The following RPH3AL variants were observed in gnomAD, a reference collection of about 807,000 sequenced individuals.
RPH3AL encodes the protein rabphilin 3A like (without C2 domains).
In RPH3AL, 38 loss-of-function variants were observed where a neutral mutation model predicts 43.1. The observed-to-expected ratio is 0.88, with a 90% CI of 0.68 to 1.15. RPH3AL has a LOEUF of 1.15. RPH3AL is among the 50% of genes most tolerant of loss of function. RPH3AL has a pLI of 0.00. For missense variants in RPH3AL, 462 were observed against 423.2 expected, an observed-to-expected ratio of 1.09 and a Z score of -0.81; for synonymous variants, 189 against 176.3, an observed-to-expected ratio of 1.07 and a Z score of -0.57.
chr17:315,521 G>A, intron 5 of RPH3AL, among the ~76,000 whole-genome samples: 1 of 143,588 alleles, frequency 7.0e-6, no homozygotes, highest in African/African-American at 2.6e-5. Context: ...CCATTGACCT[G>A]TAGTCCCTGT....
intron 3 of RPH3AL, among the ~76,000 whole-genome samples, chr17:324,200 G>A (rs1329579741): frequency 1.3e-5 from 2 of 152,192 alleles, no homozygotes; most frequent in Admixed American, 6.5e-5. Context: ...TGCCGAGTTC[G>A]TATCCAGCAG....
In RPH3AL at chr17:296,780, G is replaced by C. The variant is rs150622981; in HGVS notation, c.352-14926C>G. 2.2e-4 allele frequency among the ~76,000 whole-genome samples: 33 copies of C among 152,358 alleles called. 1 individual carries two copies. Among genetic ancestry groups the C allele is most frequent in the African/African-American group, 7.0e-4 (29 of 41,580 alleles). ...AGTCACATATGAAAAAAAGGGTGTG[G>C]AAGGGTTCTACGTGTATCAAAAGGG... On this transcript the variant is annotated intron_variant, in intron 5 of 9. Transcript: ENST00000331302.
intron 6 of RPH3AL, among the ~76,000 whole-genome samples, chr17:258,107 A>C (rs923473108): frequency 6.6e-6 from 1 of 152,122 alleles, no homozygotes; most frequent in East Asian, 1.9e-4. Flanking sequence ...AGGCTGAGCA[A>C]TGTTCCCCTG....
intron 7 of RPH3AL, among the ~76,000 whole-genome samples, chr17:227,430 G>A (rs1416359517): frequency 2.0e-5 from 3 of 152,090 alleles, no homozygotes; most frequent in African/African-American, 7.2e-5. Flanking sequence ...ATGGTCCAGG[G>A]GACAGGCGTC....
chr17:237,357 T>C (rs772358091), intron 7 of RPH3AL, among the ~76,000 whole-genome samples: 1 of 152,194 alleles, frequency 6.6e-6, no homozygotes, highest in Admixed American at 6.5e-5. Flanking sequence ...TGTGTCACCC[T>C]GTTCTGGAAC....
At chr17:300,171 A>G (rs12943694) in intron 5 of RPH3AL, among the ~76,000 whole-genome samples, 5 of 53,994 alleles carry the variant, frequency 9.3e-5, no homozygotes, top group African/African-American at 2.2e-4. Flanking sequence ...TCTCTCACCC[A>G]CTCTAGAAGG....
intron 6 of RPH3AL, among the ~76,000 whole-genome samples, chr17:260,312 G>C (rs1188527670): frequency 6.6e-6 from 1 of 152,206 alleles, no homozygotes; most frequent in Non-Finnish European, 1.5e-5. Flanking sequence ...GGTCCCACTG[G>C]TACAGCACGC....
chr17:326,994 C>T (rs900488723), intron 3 of RPH3AL, among the ~76,000 whole-genome samples: 1 of 152,224 alleles, frequency 6.6e-6, no homozygotes, highest in East Asian at 1.9e-4. Flanking sequence ...GCGCCTCGTC[C>T]ACTGCAACAG....
In RPH3AL at chr17:290,519, G is replaced by A. The variant is rs2043023615; in HGVS notation, c.352-8665C>T. Among the ~76,000 whole-genome samples, 1 of 152,126 alleles carries A rather than the reference G, an allele frequency of 6.6e-6. No individual in the cohort carries two copies. Among genetic ancestry groups the A allele is most frequent in the Admixed American group, 6.5e-5 (1 of 15,272 alleles). On this transcript the variant is annotated intron_variant, in intron 5 of 9. Coordinates refer to ENST00000331302, the MANE Select transcript of RPH3AL (RefSeq NM_006987.4). The surrounding 1 kb of genome is among the most constrained non-coding windows in gnomAD (Gnocchi z 4.2). ...GGCCTGATCAGGCACCTTCCTCAAT[G>A]TCCTTCTTATCCAGGGCCACTTCAG... is the stretch of plus-strand genomic sequence containing the variant.
At chr17:251,582 T>C (rs12451219) in intron 6 of RPH3AL, among the ~76,000 whole-genome samples, 72,488 of 152,090 alleles carry the variant, frequency 0.48, 17,689 homozygotes, top group Non-Finnish European at 0.5. Flanking sequence ...CTCAGACGTC[T>C]GTGTGGACCC....
Position 283,184 on chromosome 17 carries a change from G to C in RPH3AL, c.352-1330C>G, listed in dbSNP as rs1241219017. Among the ~76,000 whole-genome samples the C allele has an allele frequency of 6.6e-6, 1 of 152,208 alleles. No individual in the cohort carries two copies. The highest frequency in any genetic ancestry group is 1.9e-4 in the East Asian group (1 of 5,178). On this transcript the variant is annotated intron_variant, in intron 5 of 9. Transcript: ENST00000331302. The surrounding 1 kb of genome is among the most constrained non-coding windows in gnomAD (Gnocchi z 4.2). Reference sequence around the variant, plus strand: ...TCTCTGCAGCCCCCCGCCGAGGGAAGGTTGCATCTGTTGCTTGGCCTTTTC... The same window carrying C: ...TCTCTGCAGCCCCCCGCCGAGGGAACGTTGCATCTGTTGCTTGGCCTTTTC...
rs575873703 is a variant in RPH3AL at position 330,487 on chromosome 17, G to A, written c.-36-2908C>T. On this transcript the variant is annotated intron_variant, in intron 2 of 9. Transcript: ENST00000331302. ...CCCATCCCAGCCTTTAGAGCACTAT[G>A]GTTTGCTTTGCTTTTTAAAAACTTC... is the stretch of plus-strand genomic sequence containing the variant. Among the ~76,000 whole-genome samples, 24 of 152,362 alleles carry A rather than the reference G, an allele frequency of 1.6e-4. No individual in the cohort carries two copies. The South Asian group carries it at 3.9e-3, about 25-fold the overall frequency.
At chr17:241,070 TAATAATAATAATAATAA>T (rs1280046393) in intron 7 of RPH3AL, among the ~76,000 whole-genome samples, 1 of 12,884 alleles carries the variant, frequency 7.8e-5, no homozygotes, top group Non-Finnish European at 1.7e-4. Flanking sequence ...ATAATAATAA[TAATAATAATAATAATAA>T]TAATAATAAT....
intron 7 of RPH3AL, among the ~76,000 whole-genome samples, chr17:237,313 C>A (rs2151524272): frequency 6.6e-6 from 1 of 152,336 alleles, no homozygotes; most frequent in South Asian, 2.1e-4. Context: ...AAACTCCCCA[C>A]CTGGAACAAA....
chr17:319,483 C>G lies in RPH3AL; in HGVS notation c.288G>C (p.Leu96=). The G allele has an allele frequency of 6.2e-7, 1 of 1,612,676 alleles. No homozygotes were observed. Among genetic ancestry groups the G allele is most frequent in the South Asian group, 1.1e-5 (1 of 91,060 alleles). ...NVMGNGLSQC[L]LCGEVLGFLG... ...GGAAGCCCAGCACCTCCCCGCAGAG[C>G]AGACACTGGGACAGGCCGTTCCCCA... Residue 96 remains leucine (L), a synonymous_variant, in exon 5 of 10, where the codon CTG becomes CTC. Transcript: ENST00000331302.
In RPH3AL at chr17:319,550, C is replaced by A; in HGVS notation, c.222-1G>T. The A allele has an allele frequency of 6.2e-7, 1 of 1,610,636 alleles. No individual in the cohort carries two copies. Among genetic ancestry groups the A allele is most frequent in the South Asian group, 1.1e-5 (1 of 91,070 alleles). On this transcript the variant is annotated splice_acceptor_variant, in intron 4 of 9. Transcript: ENST00000331302. LOFTEE classifies it high-confidence loss of function. ...GGTCTCCAGCCGCTCCACCAGCCGC[C>A]TGCAGCACAGGACACAGAGTCAGAG...
intron 7 of RPH3AL, among the ~76,000 whole-genome samples, chr17:232,829 C>CGT (rs71143481): frequency 0.017 from 2,023 of 119,388 alleles, 39 homozygotes; most frequent in Middle Eastern, 0.021. Context: ...TCCTTTCCGG[C>CGT]GTGTGTGTGT....
chr17:230,642 G>A lies in RPH3AL; in HGVS notation c.614-10906C>T, dbSNP rs574458776. Among the ~76,000 whole-genome samples, 398 of 152,336 alleles carry A rather than the reference G, an allele frequency of 2.6e-3. 1 individual carries two copies. Among genetic ancestry groups the A allele is most frequent in the Non-Finnish European group, 4.3e-3 (293 of 68,030 alleles). ...GGGGACATGGCCTGGTCTGGGTTGGGTGTGGTCTGCACTGTCAGGGACAGA... is the reference window on the plus strand; with the variant it reads ...GGGGACATGGCCTGGTCTGGGTTGGATGTGGTCTGCACTGTCAGGGACAGA... On this transcript the variant is annotated intron_variant, in intron 7 of 9. Transcript: ENST00000331302.
chr17:215,646 G>A lies in RPH3AL; in HGVS notation c.876+8C>T. The stretch of plus-strand genomic sequence containing the variant: ...GGAGAGGGGAGAAGGCAGCAGTTGG[G>A]TACTCACCGGGGCCCTTCGGGTCAG... On this transcript the variant is annotated splice_region_variant and intron_variant, in intron 9 of 9. Transcript: ENST00000331302. This position sits in a 1 kb window ranked among gnomAD's most constrained non-coding sequence, Gnocchi z 4.1. 1 of 1,274,368 alleles carries A rather than the reference G, an allele frequency of 7.8e-7. No individual in the cohort carries two copies. Among genetic ancestry groups the A allele is most frequent in the Middle Eastern group, 3.0e-4 (1 of 3,326 alleles). The allele number at this position is 1,274,368 out of a possible 1,614,324, so 78.9% of individuals were successfully genotyped here. A position where few individuals can be genotyped will look rare whatever the true frequency, so the allele number is the denominator to read the frequency against.
Sources: allele counts gnomAD v4.1 joint callset (sites outside exome capture counted in the v4.1 genomes callset), GRCh38; gene constraint gnomAD v4.1.1; non-coding constraint Gnocchi (gnomAD v3.1); transcripts MANE v1.5; gene names NCBI Gene and HGNC (gene_info 2026-07-23, HGNC 2026-07-21).